SDHC: variants seen among roughly 807,000 people sequenced by gnomAD.
SDHC encodes succinate dehydrogenase complex subunit C, also known as succinate dehydrogenase cytochrome b560 subunit, mitochondrial.
SDHC carries 11 observed loss-of-function variants against 22.6 expected under a neutral mutation model. The ratio of observed to expected loss-of-function variants is 0.49; its 90% CI spans 0.31 to 0.81. The LOEUF is 0.81. Ranked by LOEUF, SDHC falls within the 30% of genes least tolerant of loss-of-function variation. The pLI, the probability that SDHC is intolerant of heterozygous loss-of-function variation, is 0.05. For missense variants in SDHC, 160 were observed against 212.0 expected, an observed-to-expected ratio of 0.75 and a Z score of 1.52; for synonymous variants, 80 against 77.8, an observed-to-expected ratio of 1.03 and a Z score of -0.15.
chr1:161,318,761 C>CAGTG (rs1204266166), intron 1 of SDHC, among the ~76,000 whole-genome samples: 1 of 152,064 alleles, frequency 6.6e-6, no homozygotes, highest in African/African-American at 2.4e-5. Flanking sequence ...AGGCCAGGTG[C>CAGTG]AGTGGCTCAT....
intron 1 of SDHC, 118 bp from the exon 2 acceptor site, chr1:161,323,496 C>A: frequency 1.3e-6 from 1 of 762,992 alleles, no homozygotes; most frequent in Non-Finnish European, 2.3e-6. Context: ...GACACTGATA[C>A]TGTCATTGTT....
At chr1:161,343,462 T>C (rs16832842) in intron 4 of SDHC, among the ~76,000 whole-genome samples, 17,807 of 152,190 alleles carry the variant, frequency 0.12, 1,415 homozygotes, top group African/African-American at 0.22. Flanking sequence ...GCCGTCATTT[T>C]TGTTCTTTTT....
chr1:161,316,243 G>A (rs1368503573), intron 1 of SDHC, among the ~76,000 whole-genome samples: 2 of 152,180 alleles, frequency 1.3e-5, no homozygotes, highest in African/African-American at 4.8e-5. Flanking sequence ...ACGGGGGTCT[G>A]GGGGACGGTC....
At chr1:161,317,721 C>T (rs1435839969) in intron 1 of SDHC, among the ~76,000 whole-genome samples, 1 of 151,172 alleles carries the variant, frequency 6.6e-6, no homozygotes, top group East Asian at 2.0e-4. Flanking sequence ...GCCACCATGC[C>T]AGGCTAATTT....
At chr1:161,322,130 C>T (rs915077689) in intron 1 of SDHC, among the ~76,000 whole-genome samples, 2 of 152,054 alleles carry the variant, frequency 1.3e-5, no homozygotes, top group African/African-American at 4.8e-5. Flanking sequence ...AGCTGAAATC[C>T]AAAATATTCC....
chr1:161,360,400 C>T (rs1672462148), intron 5 of SDHC, among the ~76,000 whole-genome samples: 1 of 149,898 alleles, frequency 6.7e-6, no homozygotes, highest in African/African-American at 2.5e-5. Context: ...ACCAAAAATA[C>T]AAAAAATTAG....
chr1:161,321,763 G>T (rs1670847249), intron 1 of SDHC, among the ~76,000 whole-genome samples: 1 of 152,140 alleles, frequency 6.6e-6, no homozygotes. Context: ...AATATCAATG[G>T]TGTGAGGGAC....
intron 1 of SDHC, 43 bp downstream of exon 1, chr1:161,314,468 G>A (rs1403330463): frequency 1.9e-6 from 3 of 1,609,854 alleles, no homozygotes; most frequent in African/African-American, 2.7e-5. Flanking sequence ...CGGCCCTCCG[G>A]AGATCTGAAC....
chr1:161,317,529 TTGTGTG>T (rs138977321), intron 1 of SDHC, among the ~76,000 whole-genome samples: 1 of 132,030 alleles, frequency 7.6e-6, no homozygotes, highest in African/African-American at 3.3e-5. Context: ...TGCCTTGGTT[TTGTGTG>T]TGTGTGTGTG....
At chr1:161,323,781 C>A in intron 2 of SDHC, 111 bp downstream of exon 2, 1 of 749,924 alleles carries the variant, frequency 1.3e-6, no homozygotes, top group Non-Finnish European at 2.1e-6. Flanking sequence ...CTGCAAGCGC[C>A]GCCTCTTGGG....
chr1:161,335,536 A>G (rs1671444800), intron 3 of SDHC, among the ~76,000 whole-genome samples: 1 of 152,142 alleles, frequency 6.6e-6, no homozygotes, highest in African/African-American at 2.4e-5. Flanking sequence ...TTTTTTTATC[A>G]GTATGGACTC....
At chr1:161,349,010 C>A (rs996217865) in intron 4 of SDHC, among the ~76,000 whole-genome samples, 1 of 151,836 alleles carries the variant, frequency 6.6e-6, no homozygotes, top group Non-Finnish European at 1.5e-5. Flanking sequence ...ATAAAACATA[C>A]AACATAAAGC....
chr1:161,345,596 A>G (rs1322086671), intron 4 of SDHC, among the ~76,000 whole-genome samples: 1 of 151,362 alleles, frequency 6.6e-6, no homozygotes, highest in East Asian at 2.0e-4. Context: ...AGCTGGGACT[A>G]CAGGCGCCTG....
chr1:161,340,085 A>G (rs1671666305), intron 3 of SDHC, among the ~76,000 whole-genome samples: 1 of 152,160 alleles, frequency 6.6e-6, no homozygotes, highest in Non-Finnish European at 1.5e-5. Context: ...TCATGAGATC[A>G]GATCAAGACC....
At chr1:161,350,185 C>T (rs371762985) in intron 4 of SDHC, among the ~76,000 whole-genome samples, 63 of 152,304 alleles carry the variant, frequency 4.1e-4, no homozygotes, top group African/African-American at 1.5e-3. Flanking sequence ...GCTAGGTTTA[C>T]AAGGGTGATC....
intron 4 of SDHC, among the ~76,000 whole-genome samples, chr1:161,353,794 G>A (rs1672173165): frequency 6.6e-6 from 1 of 152,070 alleles, no homozygotes; most frequent in South Asian, 2.1e-4. Flanking sequence ...ACCAGCCTGA[G>A]CAACATAGCA....
intron 3 of SDHC, among the ~76,000 whole-genome samples, chr1:161,329,846 TTC>T (rs1671212418): frequency 6.6e-6 from 1 of 152,204 alleles, no homozygotes; most frequent in African/African-American, 2.4e-5. Flanking sequence ...GGTTATGGCA[TTC>T]TTTTTCTATT....
At chr1:161,345,740 G>A (rs1207849358) in intron 4 of SDHC, among the ~76,000 whole-genome samples, 5 of 152,116 alleles carry the variant, frequency 3.3e-5, no homozygotes, top group Non-Finnish European at 5.9e-5. Flanking sequence ...ACAGGCTTGA[G>A]CCACTGCGCC....
At chr1:161,355,470 C>T (rs377193796) in intron 4 of SDHC, among the ~76,000 whole-genome samples, 1 of 152,172 alleles carries the variant, frequency 6.6e-6, no homozygotes, top group East Asian at 1.9e-4. Flanking sequence ...TCCAATTCAT[C>T]TGTTTTTTCT....
Sources: allele counts gnomAD v4.1 joint callset (sites outside exome capture counted in the v4.1 genomes callset), GRCh38; gene constraint gnomAD v4.1.1; transcripts MANE v1.5; gene names NCBI Gene and HGNC (gene_info 2026-07-23, HGNC 2026-07-21).